The following MTUS1 variants were observed in gnomAD, a reference collection of about 807,000 sequenced individuals.
MTUS1 encodes microtubule associated scaffold protein 1.
Under a neutral mutation model 120.8 loss-of-function variants are expected in MTUS1, and 109 were observed. The ratio of observed to expected loss-of-function variants is 0.90; its 90% CI spans 0.77 to 1.06. MTUS1 has a LOEUF of 1.06. MTUS1 is among the 50% of genes least tolerant of loss of function. The probability of loss-of-function intolerance (pLI) is 0.00; values close to 1 mark genes in which losing one functional copy is unlikely to be tolerated. For missense variants in MTUS1, 2,210 were observed against 1,486.3 expected (o/e 1.49, Z -8.01); for synonymous variants, 737 against 550.5 (o/e 1.34, Z -4.74).
chr8:17,708,372 G>C (rs1027755703), intron 6 of MTUS1, among the ~76,000 whole-genome samples: 41 of 152,308 alleles, frequency 2.7e-4, no homozygotes, highest in African/African-American at 9.1e-4. Flanking sequence ...CTGGCTGTCA[G>C]AATGCAAATT....
intron 3 of MTUS1, among the ~76,000 whole-genome samples, chr8:17,734,469 C>T (rs935201956): frequency 6.6e-6 from 1 of 151,848 alleles, no homozygotes; most frequent in Non-Finnish European, 1.5e-5. Context: ...CAAAAAGTCC[C>T]ACAAAGGGAA....
intron 4 of MTUS1, among the ~76,000 whole-genome samples, chr8:17,718,199 CT>C (rs1192463739): frequency 6.6e-6 from 1 of 152,190 alleles, no homozygotes; most frequent in Non-Finnish European, 1.5e-5. Context: ...AATATTTCCC[CT>C]GCCCTCTATT....
At chr8:17,771,151 C>T (rs2049992815) in intron 1 of MTUS1, among the ~76,000 whole-genome samples, 1 of 152,034 alleles carries the variant, frequency 6.6e-6, no homozygotes. Flanking sequence ...ATCCTTTAAA[C>T]TTAGGAACTT....
chr8:17,754,608 C>G lies in MTUS1; in HGVS notation c.1200G>C (p.Pro400=), dbSNP rs184944081. The stretch of plus-strand genomic sequence containing the variant: ...ATGACGAGCCCACCTTTTGTCCTGG[C>G]GGGCTACTTAGAATCAATTCTGAGG... ...NHTSELILSS[P]PGQKVGSSFG... The change falls in exon 2 of 15, where the codon CCG becomes CCC. Residue 400 remains proline, a synonymous_variant. Transcript: ENST00000693296. 2 of 1,614,152 alleles carry G rather than the reference C, an allele frequency of 1.2e-6. No individual in the cohort carries two copies. Among genetic ancestry groups the G allele is most frequent in the African/African-American group, 1.3e-5 (1 of 75,038 alleles).
rs947069780 is a variant in MTUS1, at chr8:17,755,128, CTT to C, written c.678_679del (p.Ser227LeufsTer2). ...TGGTGTGACTTGAGGGTTTTCAAAG[CTT>C]TCTCTATCATAAGTAGTTTCTCTTG... On this transcript the variant is annotated frameshift_variant, in exon 2 of 15. Transcript: ENST00000693296. LOFTEE classifies it high-confidence loss of function. 6.2e-7 allele frequency: 1 copy of C among 1,614,008 alleles called. No homozygotes were observed. The highest frequency in any genetic ancestry group is 2.2e-5 in the East Asian group (1 of 44,866).
At chr8:17,793,187 C>T (rs2051940607) in intron 1 of MTUS1, among the ~76,000 whole-genome samples, 1 of 152,328 alleles carries the variant, frequency 6.6e-6, no homozygotes, top group East Asian at 1.9e-4. Context: ...CAATTACGTA[C>T]ATGTATTTGC....
intron 1 of MTUS1, among the ~76,000 whole-genome samples, chr8:17,772,827 C>A (rs1047336857): frequency 3.3e-5 from 5 of 152,044 alleles, no homozygotes; most frequent in Non-Finnish European, 7.4e-5. Flanking sequence ...AAAAAACACA[C>A]AAAGGAATAA....
At chr8:17,690,209 G>A (rs569720304) in intron 6 of MTUS1, among the ~76,000 whole-genome samples, 5 of 152,240 alleles carry the variant, frequency 3.3e-5, no homozygotes, top group Non-Finnish European at 7.4e-5. Context: ...AATGGGCAAA[G>A]GACATGAACA....
chr8:17,766,671 T>G (rs1408463319), intron 1 of MTUS1, among the ~76,000 whole-genome samples: 1 of 152,184 alleles, frequency 6.6e-6, no homozygotes, highest in Non-Finnish European at 1.5e-5. Flanking sequence ...GGTGGTTTGT[T>G]GTTGTTGTGG....
chr8:17,763,717 T>C (rs1371533534), intron 1 of MTUS1, among the ~76,000 whole-genome samples: 1 of 152,218 alleles, frequency 6.6e-6, no homozygotes, highest in Non-Finnish European at 1.5e-5. Flanking sequence ...GAAACACAAG[T>C]AACTGTGGCT....
chr8:17,761,342 A>G (rs1271348950), intron 1 of MTUS1, among the ~76,000 whole-genome samples: 2 of 152,210 alleles, frequency 1.3e-5, no homozygotes, highest in Non-Finnish European at 1.5e-5. Flanking sequence ...GAATCATTAT[A>G]TTAATTACAA....
chr8:17,768,411 T>C (rs1036745613), intron 1 of MTUS1, among the ~76,000 whole-genome samples: 1 of 152,210 alleles, frequency 6.6e-6, no homozygotes, highest in African/African-American at 2.4e-5. Context: ...AGACAGATAC[T>C]AGTTTAATTA....
intron 7 of MTUS1, among the ~76,000 whole-genome samples, chr8:17,678,335 T>C (rs1242913835): frequency 1.3e-5 from 2 of 151,992 alleles, no homozygotes; most frequent in East Asian, 1.9e-4. Context: ...TCTCTTTGTA[T>C]TGTAACATGC....
At chr8:17,743,491 C>G (rs901512871) in intron 3 of MTUS1, 113 bp downstream of exon 3, 2 of 987,250 alleles carry the variant, frequency 2.0e-6, no homozygotes, top group Middle Eastern at 3.2e-4. Context: ...GCTCAGGATG[C>G]TGATCCACAA....
At chr8:17,787,530 G>T (rs1229270931) in intron 1 of MTUS1, among the ~76,000 whole-genome samples, 1 of 152,146 alleles carries the variant, frequency 6.6e-6, no homozygotes, top group East Asian at 1.9e-4. Context: ...GCACAGCTAT[G>T]GACCTTATAG....
chr8:17,785,398 A>G (rs1176799520), intron 1 of MTUS1, among the ~76,000 whole-genome samples: 1 of 152,192 alleles, frequency 6.6e-6, no homozygotes, highest in African/African-American at 2.4e-5. Flanking sequence ...TAGGCAGGTG[A>G]GTGCTTCTCA....
intron 2 of MTUS1, among the ~76,000 whole-genome samples, chr8:17,745,749 C>T (rs1254554070): frequency 2.6e-5 from 4 of 152,194 alleles, no homozygotes; most frequent in African/African-American, 9.7e-5. Context: ...AAGCTCTTTC[C>T]TGGTTTTCCT....
rs999380872 is a variant in MTUS1 at position 17,674,637 on chromosome 8, G to C, written c.2905+549C>G. ...TGTAAACTGCAGGGCTGGGTGGTAG[G>C]TGTTGAGACGTGGGGCTCCCTGTGG... On this transcript the variant is annotated intron_variant, in intron 8 of 14. Transcript: ENST00000693296. The C allele has an allele frequency of 3.0e-6, 3 of 986,824 alleles. No homozygotes were observed. In the African/African-American group the frequency reaches 5.2e-5, roughly 17 times the overall value. 61.1% of individuals were successfully genotyped at this position (986,824 alleles called of 1,614,324 possible).
chr8:17,684,765 G>T (rs1216146219), intron 6 of MTUS1, among the ~76,000 whole-genome samples: 1 of 152,138 alleles, frequency 6.6e-6, no homozygotes, highest in Non-Finnish European at 1.5e-5. Flanking sequence ...GATTTATGGG[G>T]AACAGAGAAT....
Sources: allele counts gnomAD v4.1 joint callset (sites outside exome capture counted in the v4.1 genomes callset), GRCh38; gene constraint gnomAD v4.1.1; transcripts MANE v1.5; gene names NCBI Gene and HGNC (gene_info 2026-07-23, HGNC 2026-07-21).